Variants in PIGK observed in about 807,000 individuals in gnomAD.
PIGK encodes GPI-anchor transamidase.
A neutral mutation model predicts 50.6 loss-of-function variants in PIGK; 42 were observed. The observed-to-expected ratio is 0.83, with a 90% CI of 0.65 to 1.07. PIGK has a LOEUF of 1.07. PIGK is among the 50% of genes least tolerant of loss of function. The pLI is 0.00. For synonymous variants in PIGK, 151 were observed against 156.0 expected (o/e 0.97, Z 0.24); for missense variants, 448 against 488.7 (o/e 0.92, Z 0.78).
chr1:77,106,812 T>G (rs1653692960), intron 10 of PIGK, among the ~76,000 whole-genome samples: 1 of 152,110 alleles, frequency 6.6e-6, no homozygotes, highest in South Asian at 2.1e-4. Flanking sequence ...TATACATCTC[T>G]CTCTAGCAAT....
rs150334551 is a variant in PIGK at position 77,148,521 on chromosome 1, G to A, written c.986+5928C>T. ...GTGCTAATACATACAAATAATTTAA[G>A]AGCCAAATTCCATTCTTCCAGAACA... On this transcript the variant is annotated intron_variant, in intron 9 of 10. Transcript: ENST00000370812. Among the ~76,000 whole-genome samples the A allele has an allele frequency of 2.4e-3, 363 of 152,180 alleles. 1 individual carries two copies. The highest frequency in any genetic ancestry group is 8.3e-3 in the African/African-American group (343 of 41,530).
At chr1:77,175,736 T>C (rs983270678) in intron 3 of PIGK, among the ~76,000 whole-genome samples, 1 of 152,106 alleles carries the variant, frequency 6.6e-6, no homozygotes, top group Non-Finnish European at 1.5e-5. Flanking sequence ...TGGCTACAGT[T>C]AAAGGGATAT....
At chr1:77,156,171 T>A (rs979758038) in intron 8 of PIGK, among the ~76,000 whole-genome samples, 1 of 152,148 alleles carries the variant, frequency 6.6e-6, no homozygotes, top group Non-Finnish European at 1.5e-5. Context: ...AGAGATAAAG[T>A]TGAAAGTCCC....
At chr1:77,175,298 A>G (rs183066566) in intron 3 of PIGK, among the ~76,000 whole-genome samples, 63 of 152,278 alleles carry the variant, frequency 4.1e-4, no homozygotes, top group South Asian at 3.9e-3. Flanking sequence ...TTATAAAGAA[A>G]AGAGATTTTA....
chr1:77,160,510 G>T (rs1655108100), intron 8 of PIGK, among the ~76,000 whole-genome samples: 1 of 152,178 alleles, frequency 6.6e-6, no homozygotes, highest in South Asian at 2.1e-4. Context: ...TCCCATGAAA[G>T]CAGGAACGGC....
At chr1:77,173,871 C>T (rs1655421084) in intron 3 of PIGK, among the ~76,000 whole-genome samples, 1 of 152,210 alleles carries the variant, frequency 6.6e-6, no homozygotes, top group Non-Finnish European at 1.5e-5. Context: ...TCCTTGGGAG[C>T]TTAACTGTGT....
At chr1:77,188,815 T>C (rs995134926) in intron 3 of PIGK, among the ~76,000 whole-genome samples, 5 of 151,918 alleles carry the variant, frequency 3.3e-5, no homozygotes, top group African/African-American at 7.3e-5. Flanking sequence ...TTAGGAAAAA[T>C]AGAAAAGAAC....
chr1:77,161,664 A>G lies in PIGK; in HGVS notation c.632T>C (p.Met211Thr), dbSNP rs756095203. Residue 211 changes from methionine (M) to threonine (T), a missense_variant, in exon 7 of 11, where the codon ATG (methionine) becomes ACG (threonine). Physicochemically the swap from Met to Thr is moderately conservative, Grantham distance 81. Transcript: ENST00000370812. ...GTTAGGAGAATAAAATCGTTCATACATGGATGCTCCTTGGCAAGTATCAAT... is the reference window on the plus strand; with the variant it reads ...GTTAGGAGAATAAAATCGTTCATACGTGGATGCTCCTTGGCAAGTATCAAT... ...FIIDTCQGAS[M>T]YERFYSPNIM... is the part of the protein sequence containing the mutation. The G allele has an allele frequency of 1.3e-5, 21 of 1,588,480 alleles. No individual in the cohort carries two copies. The highest frequency in any genetic ancestry group is 3.3e-4 in the Middle Eastern group (2 of 6,048).
At chr1:77,190,397 T>C (rs1199103752) in intron 3 of PIGK, among the ~76,000 whole-genome samples, 5 of 151,916 alleles carry the variant, frequency 3.3e-5, no homozygotes, top group Non-Finnish European at 5.9e-5. Context: ...CAAGACCTTG[T>C]CTCAAAAAAA....
intron 3 of PIGK, among the ~76,000 whole-genome samples, chr1:77,202,191 T>C (rs1004047773): frequency 6.6e-6 from 1 of 152,162 alleles, no homozygotes; most frequent in Non-Finnish European, 1.5e-5. Context: ...ACTAATGAGG[T>C]TCTACTTAGC....
intron 9 of PIGK, chr1:77,129,426 A>C (rs1375935182): frequency 9.5e-6 from 14 of 1,481,052 alleles, no homozygotes; most frequent in Non-Finnish European, 1.3e-5. Context: ...TGCTGAACTT[A>C]AGGGTTTAGA....
rs192902637 is a variant in PIGK at position 77,143,243 on chromosome 1, T to C, written c.986+11206A>G. Among the ~76,000 whole-genome samples the C allele has an allele frequency of 2.6e-3, 403 of 152,264 alleles. 3 individuals are homozygous for C. The highest frequency in any genetic ancestry group is 9.2e-3 in the African/African-American group (383 of 41,562). ...ACACACAAACACCCCTTAACTTTTTTTGACCCTTCAATTTCTTGGTCAAGT... is the reference window on the plus strand; with the variant it reads ...ACACACAAACACCCCTTAACTTTTTCTGACCCTTCAATTTCTTGGTCAAGT... On this transcript the variant is annotated intron_variant, in intron 9 of 10. Transcript: ENST00000370812.
chr1:77,194,081 A>C (rs1458538798), intron 3 of PIGK, among the ~76,000 whole-genome samples: 1 of 152,210 alleles, frequency 6.6e-6, no homozygotes, highest in Non-Finnish European at 1.5e-5. Flanking sequence ...CATAGGAAAA[A>C]ATGCTCAGCA....
At chr1:77,130,925 T>G (rs1448139964) in intron 9 of PIGK, among the ~76,000 whole-genome samples, 7 of 152,262 alleles carry the variant, frequency 4.6e-5, no homozygotes, top group Non-Finnish European at 1.0e-4. Context: ...AACAAGTTAA[T>G]AAATTCAAAG....
chr1:77,123,787 C>T (rs902009490), intron 9 of PIGK, among the ~76,000 whole-genome samples: 28 of 151,906 alleles, frequency 1.8e-4, no homozygotes, highest in African/African-American at 6.1e-4. Flanking sequence ...TAAAATGATA[C>T]GTTTTATGTT....
At chr1:77,198,477 G>C (rs1027462091) in intron 3 of PIGK, among the ~76,000 whole-genome samples, 2 of 151,834 alleles carry the variant, frequency 1.3e-5, no homozygotes, top group Admixed American at 6.6e-5. Context: ...GATTTGAAAG[G>C]ATGAAAACTC....
intron 3 of PIGK, among the ~76,000 whole-genome samples, chr1:77,178,538 G>A (rs1348409300): frequency 2.0e-5 from 3 of 152,268 alleles, no homozygotes; most frequent in Middle Eastern, 3.4e-3. Context: ...TACATCAAAC[G>A]TAGATTATAG....
Position 77,219,263 on chromosome 1 carries a change from G to C in PIGK, c.93+47C>G, listed in dbSNP as rs773977417. On this transcript the variant is annotated intron_variant, in intron 1 of 10. Transcript: ENST00000370812. ...CTGTGTATCGGACATCTGCTGGAGG[G>C]CTCACAGCCGGCCTCCCGGCTGTGG... 5 of 1,470,860 alleles carry C rather than the reference G, an allele frequency of 3.4e-6. No homozygotes were observed. In the South Asian group the frequency reaches 3.4e-5, roughly 10 times the overall value. The allele number at this position is 1,470,860 out of a possible 1,614,324, so 91.1% of individuals were successfully genotyped here.
chr1:77,160,535 T>A (rs1023484889), intron 8 of PIGK, among the ~76,000 whole-genome samples: 1 of 152,184 alleles, frequency 6.6e-6, no homozygotes, highest in African/African-American at 2.4e-5. Context: ...GCCTCTTTCA[T>A]TAGGAACAGC....
Sources: allele counts gnomAD v4.1 joint callset (sites outside exome capture counted in the v4.1 genomes callset), GRCh38; gene constraint gnomAD v4.1.1; transcripts MANE v1.5; gene names NCBI Gene and HGNC (gene_info 2026-07-23, HGNC 2026-07-21).